Variants in CSTF1 observed in about 807,000 individuals in gnomAD.
The protein encoded by CSTF1 is CF-1 50 kDa subunit.
In CSTF1, 2 loss-of-function variants were observed where a neutral mutation model predicts 40.9. The observed-to-expected ratio is 0.05, with a 90% CI of 0.02 to 0.15. The LOEUF (loss-of-function observed/expected upper bound fraction) is 0.15. CSTF1 is among the 10% of genes least tolerant of loss of function. The pLI is 1.00. For synonymous variants in CSTF1, 218 were observed against 207.2 expected (o/e 1.05, Z -0.45); for missense variants, 279 against 558.9 (o/e 0.50, Z 5.05).
Position 56,397,874 on chromosome 20 carries a change from T to C in CSTF1, c.645+33T>C, listed in dbSNP as rs767313357. The C allele has an allele frequency of 3.3e-6, 5 of 1,510,228 alleles. No individual in the cohort carries two copies. In the South Asian group the frequency reaches 5.7e-5, roughly 17 times the overall value. The allele number at this position is 1,510,228 out of a possible 1,614,324, so 93.6% of individuals were successfully genotyped here. On this transcript the variant is annotated intron_variant, in intron 4 of 5. Coordinates refer to ENST00000217109, the MANE Select transcript of CSTF1 (RefSeq NM_001324.3). The surrounding 1 kb of genome is among the most constrained non-coding windows in gnomAD (Gnocchi z 4.4). ...TCTTTAGAAAGGAGCTTTACATTTT[T>C]TCTTAAATACAATGAGCTATTGTAC...
chr20:56,400,129 A>G (rs992693556), intron 5 of CSTF1, among the ~76,000 whole-genome samples: 13 of 152,182 alleles, frequency 8.5e-5, no homozygotes, highest in Non-Finnish European at 1.6e-4. Context: ...GCATAACTCA[A>G]AAAAAATCAC....
upstream of CSTF1, chr20:56,392,562 AAG>A (rs3044185): frequency 2.0e-5 from 3 of 152,278 alleles, no homozygotes; most frequent in African/African-American, 4.8e-5. Flanking sequence ...CGAGAAAAGC[AAG>A]AGAGAGTGGG....
chr20:56,405,702 G>C lies in CSTF1; in HGVS notation c.*1975G>C, dbSNP rs1349505140. 6.6e-6 allele frequency: 1 copy of C among 152,146 alleles called. No individual in the cohort carries two copies. Among genetic ancestry groups the C allele is most frequent in the Non-Finnish European group, 1.5e-5 (1 of 68,028 alleles). 9.4% of individuals were successfully genotyped at this position (152,146 alleles called of 1,614,324 possible). A position where few individuals can be genotyped will look rare whatever the true frequency, so the allele number is the denominator to read the frequency against. On this transcript the variant is annotated 3_prime_UTR_variant, in exon 6 of 6. Coordinates refer to ENST00000217109, the MANE Select transcript of CSTF1 (RefSeq NM_001324.3). The stretch of plus-strand genomic sequence containing the variant: ...AGTTGAATTCCAGTGTGAATTTCCA[G>C]TTGTACTTTGCATTCTGATTCTTTG...
In CSTF1 at chr20:56,397,340, A is replaced by G; in HGVS notation, c.303A>G (p.Thr101=). The change falls in exon 3 of 6, where the codon ACA becomes ACG. Residue 101 remains threonine, a synonymous_variant. Transcript: ENST00000217109. The surrounding 1 kb of genome is among the most constrained non-coding windows in gnomAD (Gnocchi z 4.4). ...CCCCAGAGGCTTCTGAGTACGAAAC[A>G]TGCTATGTCACATCACATAAAGGAC... ...TMSPEASEYE[T]CYVTSHKGPC... is the part of the protein sequence containing the mutation. 6.2e-7 allele frequency: 1 copy of G among 1,614,198 alleles called. No homozygotes were observed. The highest frequency in any genetic ancestry group is 8.5e-7 in the Non-Finnish European group (1 of 1,180,034).
chr20:56,398,999 T>C lies in CSTF1; in HGVS notation c.678T>C (p.His226=), dbSNP rs763967458. ...AAATGTTACGTTCCATCTCTTTTCA[T>C]CCTTCTGGAGACTTTATACTTGTCG... ...EAEMLRSISF[H]PSGDFILVGT... Residue 226 remains histidine, a synonymous_variant, in exon 5 of 6, where the codon CAT becomes CAC. Transcript: ENST00000217109. 1.2e-6 allele frequency: 2 copies of C among 1,612,804 alleles called. No homozygotes were observed. Among genetic ancestry groups the C allele is most frequent in the Non-Finnish European group, 1.7e-6 (2 of 1,179,266 alleles).
chr20:56,394,357 A>G (rs1987453199), intron 1 of CSTF1, among the ~76,000 whole-genome samples: 1 of 152,142 alleles, frequency 6.6e-6, no homozygotes, highest in African/African-American at 2.4e-5. Flanking sequence ...AGGCGGAGGC[A>G]GGCAGATCAC....
At chr20:56,393,139 C>T (rs1337599875) in intron 1 of CSTF1, among the ~76,000 whole-genome samples, 1 of 133,558 alleles carries the variant, frequency 7.5e-6, no homozygotes, top group Non-Finnish European at 1.6e-5. Flanking sequence ...TATACACACA[C>T]ACACACATAT....
At chr20:56,396,962 C>T in intron 2 of CSTF1, 1 of 450,916 alleles carries the variant, frequency 2.2e-6, no homozygotes, top group East Asian at 3.6e-5. Context: ...AGGCAAGAAC[C>T]TGGGGAAATG....
In CSTF1 at chr20:56,401,326, A is replaced by C. The variant is rs182039120; in HGVS notation, c.1036+1969A>C. On this transcript the variant is annotated intron_variant, in intron 5 of 5. Transcript: ENST00000217109. ...GAAGAGAAAAATGGTCAGGAAATGT[A>C]AGAAAAGGTGGCCAGCCTTGCTGCA... is the stretch of plus-strand genomic sequence containing the variant. 4.3e-3 allele frequency among the ~76,000 whole-genome samples: 648 copies of C among 152,310 alleles called. 4 individuals carry two copies. The highest frequency in any genetic ancestry group is 0.015 in the African/African-American group (626 of 41,572).
chr20:56,402,764 G>A (rs1978514997), intron 5 of CSTF1, among the ~76,000 whole-genome samples: 2 of 151,886 alleles, frequency 1.3e-5, no homozygotes, highest in Non-Finnish European at 2.9e-5. Context: ...GTGAAACCCT[G>A]TCTTTACTAA....
At chr20:56,392,395 A>T (rs1376180714), upstream of CSTF1, 5 of 152,298 alleles carry the variant, frequency 3.3e-5, no homozygotes, top group Non-Finnish European at 7.3e-5. Flanking sequence ...GGTGGAGCCA[A>T]CGGCCAGCCA....
chr20:56,402,318 A>C (rs1569119913), intron 5 of CSTF1, among the ~76,000 whole-genome samples: 1 of 151,584 alleles, frequency 6.6e-6, no homozygotes, highest in African/African-American at 2.4e-5. Flanking sequence ...AAAAAAAAAA[A>C]AAAAGAGAGA....
Position 56,397,601 on chromosome 20 carries a change from C to G in CSTF1, c.448-43C>G, listed in dbSNP as rs1449506150. On this transcript the variant is annotated intron_variant, in intron 3 of 5. Transcript: ENST00000217109. This position sits in a 1 kb window ranked among gnomAD's most constrained non-coding sequence, Gnocchi z 4.4. ...CAGTTGTGGATTGTGCACTTGGATT[C>G]AGACACATTCTGTGCCTTGAGCATC... 11 of 1,602,648 alleles carry G rather than the reference C, an allele frequency of 6.9e-6. No homozygotes were observed. Among genetic ancestry groups the G allele is most frequent in the Non-Finnish European group, 9.4e-6 (11 of 1,169,850 alleles).
intron 5 of CSTF1, among the ~76,000 whole-genome samples, chr20:56,402,379 A>G (rs1422136298): frequency 6.6e-6 from 1 of 152,160 alleles, no homozygotes; most frequent in Non-Finnish European, 1.5e-5. Context: ...GTATTCACCA[A>G]AGTATTGACT....
chr20:56,398,406 A>G (rs1237825351), intron 4 of CSTF1, among the ~76,000 whole-genome samples: 2 of 152,126 alleles, frequency 1.3e-5, no homozygotes, highest in African/African-American at 4.8e-5. Context: ...TCATCTCTAC[A>G]AAAAATTCTT....
chr20:56,403,712 A>G lies in CSTF1; in HGVS notation c.1281A>G (p.Arg427=). The G allele has an allele frequency of 6.2e-7, 1 of 1,612,784 alleles. No homozygotes were observed. Among genetic ancestry groups the G allele is most frequent in the Non-Finnish European group, 8.5e-7 (1 of 1,178,946 alleles). The change falls in exon 6 of 6, where the codon AGA becomes AGG. Residue 427 remains arginine (R), a synonymous_variant. Transcript: ENST00000217109. Reference sequence around the variant, plus strand: ...TCAGAGCGCGGTTTTGGTACCGGAGATCGACCACTGACTGAGCCACCCTCT... The same window carrying G: ...TCAGAGCGCGGTTTTGGTACCGGAGGTCGACCACTGACTGAGCCACCCTCT... ...DDFRARFWYR[R]STTD is the part of the protein sequence containing the mutation.
Position 56,399,494 on chromosome 20 carries a change from G to A in CSTF1, c.1036+137G>A, listed in dbSNP as rs1343170982. 1 of 821,520 alleles carries A rather than the reference G, an allele frequency of 1.2e-6. No homozygotes were observed. The highest frequency in any genetic ancestry group is 2.7e-5 in the Admixed American group (1 of 37,522). 50.9% of individuals were successfully genotyped at this position (821,520 alleles called of 1,614,324 possible). A position where few individuals can be genotyped will look rare whatever the true frequency, so the allele number is the denominator to read the frequency against. On this transcript the variant is annotated intron_variant, in intron 5 of 5. Transcript: ENST00000217109. The surrounding 1 kb of genome is among the most constrained non-coding windows in gnomAD (Gnocchi z 4.6). The stretch of plus-strand genomic sequence containing the variant: ...GATGTTACCCTTTCTTAGATAAGAG[G>A]AAACCAAGACTTACAGGTTAAGTCA...
chr20:56,399,897 G>T lies in CSTF1; in HGVS notation c.1036+540G>T, dbSNP rs1978380888. Among the ~76,000 whole-genome samples the T allele has an allele frequency of 6.6e-6, 1 of 152,150 alleles. No homozygotes were observed. The highest frequency in any genetic ancestry group is 2.4e-5 in the African/African-American group (1 of 41,428). On this transcript the variant is annotated intron_variant, in intron 5 of 5. Coordinates refer to ENST00000217109, the MANE Select transcript of CSTF1 (RefSeq NM_001324.3). The surrounding 1 kb of genome is among the most constrained non-coding windows in gnomAD (Gnocchi z 4.6). Reference sequence around the variant, plus strand: ...CTCATTTATGTATGTTGGTCTCATTGGTAACAGTAGTGCCTGTGGAGTCTT... The same window carrying T: ...CTCATTTATGTATGTTGGTCTCATTTGTAACAGTAGTGCCTGTGGAGTCTT...
At position 56,404,807 on chromosome 20, in the gene CSTF1, G is replaced by C. The variant is rs1240985882; in HGVS notation, c.*1080G>C. 4 of 86,358 alleles carry C rather than the reference G, an allele frequency of 4.6e-5. No homozygotes were observed. Among genetic ancestry groups the C allele is most frequent in the African/African-American group, 6.8e-5 (1 of 14,658 alleles). The allele number at this position is 86,358 out of a possible 1,614,324, so 5.3% of individuals were successfully genotyped here. On this transcript the variant is annotated 3_prime_UTR_variant, in exon 6 of 6. Transcript: ENST00000217109. Reference sequence around the variant, plus strand: ...ACTACAGGCACCCACCACCACGCCCGGCTAATTTTTTTTTTTTTTTTTTTT... The same window carrying C: ...ACTACAGGCACCCACCACCACGCCCCGCTAATTTTTTTTTTTTTTTTTTTT...
Sources: gnomAD v4.1 joint callset for allele counts (sites outside exome capture counted in the v4.1 genomes callset) on GRCh38, gnomAD v4.1.1 for gene constraint, Gnocchi (gnomAD v3.1) non-coding constraint, MANE v1.5 for transcripts, NCBI Gene and HGNC (gene_info 2026-07-23, HGNC 2026-07-21) for gene names.